CEACAM4: variants seen among roughly 807,000 people sequenced by gnomAD.
CEACAM4 encodes the protein cell adhesion molecule CEACAM4.
CEACAM4 carries 30 observed loss-of-function variants against 28.7 expected under a neutral mutation model. The observed-to-expected ratio is 1.05, with a 90% CI of 0.78 to 1.42. CEACAM4 has a LOEUF of 1.42. CEACAM4 is among the 40% of genes most tolerant of loss of function. CEACAM4 has a pLI of 0.00. For missense variants in CEACAM4, 330 were observed against 308.2 expected, an observed-to-expected ratio of 1.07 and a Z score of -0.53; for synonymous variants, 143 against 126.5, an observed-to-expected ratio of 1.13 and a Z score of -0.87.
At chr19:41,620,148 C>G (rs559562638) in intron 5 of CEACAM4, 63 bp downstream of exon 5, 3 of 1,404,148 alleles carry the variant, frequency 2.1e-6, no homozygotes, top group African/African-American at 1.5e-5. Context: ...TGATGGTCCC[C>G]CTGCCCTGAG....
At chr19:41,614,883 T>C (rs1555798627), downstream of CEACAM4, among the ~76,000 whole-genome samples, 1 of 146,236 alleles carries the variant, frequency 6.8e-6, no homozygotes, top group Admixed American at 6.8e-5. Flanking sequence ...ATGGGTATGT[T>C]TGGCTTTATA....
rs531232837 is a variant in CEACAM4 at position 41,627,042 on chromosome 19, G to A, written c.-79C>T. 1.7e-4 allele frequency: 215 copies of A among 1,251,228 alleles called. No homozygotes were observed. Among genetic ancestry groups the A allele is most frequent in the Non-Finnish European group, 2.2e-4 (201 of 903,202 alleles). 77.5% of individuals were successfully genotyped at this position (1,251,228 alleles called of 1,614,324 possible). A position where few individuals can be genotyped will look rare whatever the true frequency, so the allele number is the denominator to read the frequency against. ...TCTTGTCAGAGCTGCTGTGACTGTC[G>A]GCTGTCGGGGCTGCTGACCTTCCTC... On this transcript the variant is annotated 5_prime_UTR_variant, in exon 1 of 7. Coordinates refer to ENST00000221954, the MANE Select transcript of CEACAM4 (RefSeq NM_001817.4).
chr19:41,619,100 G>A lies in CEACAM4; in HGVS notation c.*230C>T, dbSNP rs1009831178. ...CCATTCACTTTCCTTGCAAGCCCCCGCTTCCTGTGGTGATGAGAGGCCTTT... is the reference window on the plus strand; with the variant it reads ...CCATTCACTTTCCTTGCAAGCCCCCACTTCCTGTGGTGATGAGAGGCCTTT... On this transcript the variant is annotated 3_prime_UTR_variant, in exon 7 of 7. Transcript: ENST00000221954. 12 of 535,394 alleles carry A rather than the reference G, an allele frequency of 2.2e-5. No individual in the cohort carries two copies. Among genetic ancestry groups the A allele is most frequent in the Admixed American group, 3.4e-5 (1 of 29,432 alleles). 33.2% of individuals were successfully genotyped at this position (535,394 alleles called of 1,614,324 possible). A position where few individuals can be genotyped will look rare whatever the true frequency, so the allele number is the denominator to read the frequency against.
At chr19:41,625,456 CAT>C (rs2122596648) in intron 2 of CEACAM4, 143 bp downstream of exon 2, 3 of 914,252 alleles carry the variant, frequency 3.3e-6, no homozygotes, top group Middle Eastern at 3.3e-4. Context: ...GTTTACCTAC[CAT>C]GTGTGTGTCC....
At chr19:41,623,352 A>AACATCCCTGCC (rs782740215) in intron 2 of CEACAM4, among the ~76,000 whole-genome samples, 90 of 151,106 alleles carry the variant, frequency 6.0e-4, no homozygotes, top group Non-Finnish European at 1.1e-3. Flanking sequence ...TGATAATTTC[A>AACATCCCTGCC]ACATCCCTGC....
At chr19:41,625,514 GA>G (rs1433261901) in intron 2 of CEACAM4, 86 bp downstream of exon 2, 29 of 1,451,752 alleles carry the variant, frequency 2.0e-5, no homozygotes, top group Non-Finnish European at 2.6e-5. Context: ...TGCAGAGGGG[GA>G]TGCAGGCACA....
chr19:41,620,518 G>A lies in CEACAM4; in HGVS notation c.595+57C>T. The A allele has an allele frequency of 2.8e-6, 4 of 1,450,866 alleles. No homozygotes were observed. In the South Asian group the frequency reaches 3.6e-5, roughly 13 times the overall value. The allele number at this position is 1,450,866 out of a possible 1,614,324, so 89.9% of individuals were successfully genotyped here. A position where few individuals can be genotyped will look rare whatever the true frequency, so the allele number is the denominator to read the frequency against. The stretch of plus-strand genomic sequence containing the variant: ...GGCCCCCAGGGGGTGACTGGCAGGA[G>A]TGGACACCGTAGGGCAGGCCTAGGG... On this transcript the variant is annotated intron_variant, in intron 4 of 6. Coordinates refer to ENST00000221954, the MANE Select transcript of CEACAM4 (RefSeq NM_001817.4).
chr19:41,626,317 C>A (rs868987918), intron 1 of CEACAM4, among the ~76,000 whole-genome samples: 1 of 152,168 alleles, frequency 6.6e-6, no homozygotes, highest in Non-Finnish European at 1.5e-5. Flanking sequence ...CCTTTCTGAC[C>A]TTTCCCAGCT....
chr19:41,623,307 G>A (rs2071420205), intron 2 of CEACAM4, among the ~76,000 whole-genome samples: 5 of 152,118 alleles, frequency 3.3e-5, no homozygotes, highest in Middle Eastern at 3.4e-3. Context: ...ATGAGCCACC[G>A]CTCCTGGCCC....
chr19:41,616,490 TAGA>T, downstream of CEACAM4, among the ~76,000 whole-genome samples: 2 of 1,072 alleles, frequency 1.9e-3, no homozygotes, highest in East Asian at 0.091. Context: ...AGATAGATGA[TAGA>T]TAGATAGATA....
intron 1 of CEACAM4, among the ~76,000 whole-genome samples, 156 bp from the exon 2 acceptor site, chr19:41,626,116 G>A (rs1259103040): frequency 1.7e-5 from 2 of 117,014 alleles, no homozygotes; most frequent in African/African-American, 6.2e-5. Context: ...GTGTGTGTGT[G>A]TGTGTGTGTC....
At chr19:41,613,812 A>G in the CEACAM4 span, among the ~76,000 whole-genome samples, 3 of 152,186 alleles carry the variant, frequency 2.0e-5, no homozygotes, top group Non-Finnish European at 4.4e-5. Flanking sequence ...TATCTGATCA[A>G]TCACACTGAG....
downstream of CEACAM4, among the ~76,000 whole-genome samples, chr19:41,617,497 T>C (rs2122411006): frequency 6.6e-6 from 1 of 152,296 alleles, no homozygotes; most frequent in South Asian, 2.1e-4. Context: ...ACATGTCACG[T>C]GGTAAAGGAC....
At chr19:41,618,544 T>G (rs148414838), downstream of CEACAM4, among the ~76,000 whole-genome samples, 3 of 152,128 alleles carry the variant, frequency 2.0e-5, no homozygotes, top group Non-Finnish European at 4.4e-5. Context: ...ACAGGTAAGT[T>G]CATTTGTGGA....
In CEACAM4 at chr19:41,625,857, G is replaced by A. The variant is rs138355384; in HGVS notation, c.168C>T (p.Cys56=). Residue 56 remains cysteine (C), a synonymous_variant, in exon 2 of 7, where the codon TGC becomes TGT. Transcript: ENST00000221954. ...AGGCTTGAATAGTTTCTGAAATATT[G>A]CAGGCCAGTAGAAGAACATCCTTTC... ...AEGKDVLLLA[C]NISETIQAYY... 107 of 1,613,934 alleles carry A rather than the reference G, an allele frequency of 6.6e-5. No individual in the cohort carries two copies. The highest frequency in any genetic ancestry group is 6.6e-4 in the Middle Eastern group (4 of 6,062).
In CEACAM4 at chr19:41,627,067, CCTT is replaced by C; in HGVS notation, c.-107_-105del. 3.0e-6 allele frequency: 3 copies of C among 997,776 alleles called. No homozygotes were observed. The highest frequency in any genetic ancestry group is 3.2e-5 in the South Asian group (2 of 62,230). 61.8% of individuals were successfully genotyped at this position (997,776 alleles called of 1,614,324 possible). A position where few individuals can be genotyped will look rare whatever the true frequency, so the allele number is the denominator to read the frequency against. On this transcript the variant is annotated 5_prime_UTR_variant, in exon 1 of 7. Coordinates refer to ENST00000221954, the MANE Select transcript of CEACAM4 (RefSeq NM_001817.4). ...GGCTGTCGGGGCTGCTGACCTTCCT[CCTT>C]CTGTGCTGAGCCTCCTCCCGGGCAG...
At chr19:41,626,253 G>A (rs1480370233) in intron 1 of CEACAM4, among the ~76,000 whole-genome samples, 2 of 151,964 alleles carry the variant, frequency 1.3e-5, no homozygotes, top group East Asian at 3.9e-4. Flanking sequence ...CTCACATCAG[G>A]GTGTTTTTGG....
At chr19:41,626,001 G>A in intron 1 of CEACAM4, 41 bp from the exon 2 acceptor site, 1 of 1,560,548 alleles carries the variant, frequency 6.4e-7, no homozygotes, top group East Asian at 2.2e-5. Flanking sequence ...TGGGACCTAT[G>A]GAGTGGGATG....
At position 41,625,662 on chromosome 19, in the gene CEACAM4, G is replaced by A. The variant is rs541447884; in HGVS notation, c.363C>T (p.Thr121=). The A allele has an allele frequency of 6.2e-7, 1 of 1,609,990 alleles. No homozygotes were observed. The highest frequency in any genetic ancestry group is 1.7e-5 in the Admixed American group (1 of 59,752). Residue 121 remains threonine (T), a synonymous_variant, in exon 2 of 7, where the codon ACC becomes ACT. Coordinates refer to ENST00000221954, the MANE Select transcript of CEACAM4 (RefSeq NM_001817.4). ...NITLEDAGSY[T]LRTINASYDS... Reference sequence around the variant, plus strand: ...CGTAACTGGCATTTATGGTTCGTAGGGTGTAGGATCCTGCGTCCTCCAGGG... The same window carrying A: ...CGTAACTGGCATTTATGGTTCGTAGAGTGTAGGATCCTGCGTCCTCCAGGG...
Sources: gnomAD v4.1 joint callset for allele counts (sites outside exome capture counted in the v4.1 genomes callset) on GRCh38, gnomAD v4.1.1 for gene constraint, MANE v1.5 for transcripts, NCBI Gene and HGNC (gene_info 2026-07-23, HGNC 2026-07-21) for gene names.